The following NLGN3 variants were observed in gnomAD, a reference collection of about 807,000 sequenced individuals.
NLGN3 encodes the protein neuroligin 3.
Under a neutral mutation model 42.9 loss-of-function variants are expected in NLGN3, and 11 were observed. That is an observed-to-expected ratio of 0.26 (90% CI 0.16 to 0.42). The LOEUF (loss-of-function observed/expected upper bound fraction) is 0.42, where lower values mean the gene tolerates loss of function less well. NLGN3 is among the 10% of genes least tolerant of loss of function. The pLI, the probability that NLGN3 is intolerant of heterozygous loss-of-function variation, is 1.00. For synonymous variants in NLGN3, 279 were observed against 312.7 expected (o/e 0.89, Z 1.14); for missense variants, 374 against 733.8 (o/e 0.51, Z 5.67).
At chrX:71,173,176 C>G (rs766230545), downstream of NLGN3, among the ~76,000 whole-genome samples, 1 of 110,900 alleles carries the variant, frequency 9.0e-6, no homozygotes, top group Non-Finnish European at 1.9e-5. Flanking sequence ...CATACCTGGC[C>G]TCCTGTTCTT....
chrX:71,171,167 G>T lies in NLGN3; in HGVS notation c.*1070G>T. ...GTAAAAATTTTAAACACAGTGTCTT[G>T]ATATAAAAATAAAAAATCCAGTTAG... On this transcript the variant is annotated 3_prime_UTR_variant, in exon 8 of 8. Coordinates refer to ENST00000358741, the MANE Select transcript of NLGN3 (RefSeq NM_181303.2). The T allele has an allele frequency of 1.3e-6, 1 of 751,788 alleles. No individual in the cohort carries two copies. Among genetic ancestry groups the T allele is most frequent in the Non-Finnish European group, 1.6e-6 (1 of 638,460 alleles). 62.0% of individuals were successfully genotyped at this position (751,788 alleles called of 1,213,427 possible).
chrX:71,167,160 A>AAG lies in NLGN3; in HGVS notation c.1066_1067dup (p.Ser356ArgfsTer7). 8.3e-7 allele frequency: 1 copy of AAG among 1,211,842 alleles called. No individual in the cohort carries two copies. The highest frequency in any genetic ancestry group is 1.1e-6 in the Non-Finnish European group (1 of 895,523). ...GGATATGGTGGACTGTCTTCGGCAA[A>AAG]AGAGTGCCAAGGAGCTGGTAGAGCA... On this transcript the variant is annotated frameshift_variant, in exon 7 of 8. Coordinates refer to ENST00000358741, the MANE Select transcript of NLGN3 (RefSeq NM_181303.2). LOFTEE classifies it high-confidence loss of function.
At chrX:71,154,664 A>G (rs765709023) in intron 4 of NLGN3, among the ~76,000 whole-genome samples, 2 of 110,149 alleles carry the variant, frequency 1.8e-5, no homozygotes, top group Non-Finnish European at 3.8e-5. Flanking sequence ...TCTGCCATTC[A>G]CTCCCCTTTC....
Position 71,169,780 on chromosome X carries a change from C to T in NLGN3, c.2230C>T (p.Pro744Ser). 8.3e-7 allele frequency: 1 copy of T among 1,211,112 alleles called. No individual in the cohort carries two copies. Among genetic ancestry groups the T allele is most frequent in the Non-Finnish European group, 1.1e-6 (1 of 895,132 alleles). The change falls in exon 8 of 8, where the codon CCT becomes TCT. Residue 744 changes from proline (P) to serine (S), a missense_variant. Physicochemically the swap from Pro to Ser is moderately conservative, Grantham distance 74. Coordinates refer to ENST00000358741, the MANE Select transcript of NLGN3 (RefSeq NM_181303.2). Reference sequence around the variant, plus strand: ...ACGGCGCCAGGAGCCCCTGCGGCAGCCTAGCCCTCAGCGGGGAGCCGGGGC... The same window carrying T: ...ACGGCGCCAGGAGCCCCTGCGGCAGTCTAGCCCTCAGCGGGGAGCCGGGGC... ...DKRRQEPLRQ[P>S]SPQRGAGAPE... is the part of the protein sequence containing the mutation.
At chrX:71,159,019 C>T (rs745577054) in intron 5 of NLGN3, among the ~76,000 whole-genome samples, 11 of 110,963 alleles carry the variant, frequency 9.9e-5, no homozygotes, top group South Asian at 7.5e-4. Flanking sequence ...CATGCATGTG[C>T]GCACACACAC....
chrX:71,159,589 T>C (rs1228642637), intron 5 of NLGN3, among the ~76,000 whole-genome samples: 1 of 111,804 alleles, frequency 8.9e-6, no homozygotes, highest in Admixed American at 9.5e-5. Flanking sequence ...CTGCACACCC[T>C]TCAGTTCCTG....
chrX:71,162,665 CACTT>C (rs1202250292), intron 5 of NLGN3, among the ~76,000 whole-genome samples: 2 of 112,003 alleles, frequency 1.8e-5, no homozygotes, highest in Non-Finnish European at 3.8e-5. Context: ...ATTAATAACA[CACTT>C]GAAGAGGATG....
downstream of NLGN3, among the ~76,000 whole-genome samples, chrX:71,173,658 A>G (rs1175356043): frequency 8.9e-6 from 1 of 112,513 alleles, no homozygotes; most frequent in Non-Finnish European, 1.9e-5. Flanking sequence ...GAAGGGTCAG[A>G]GGTTGGTCAC....
chrX:71,155,479 C>A, intron 5 of NLGN3, 116 bp downstream of exon 5: 1 of 945,970 alleles, frequency 1.1e-6, no homozygotes, highest in Non-Finnish European at 1.5e-6. Flanking sequence ...CTAATAACCA[C>A]AGTCAAAATG....
chrX:71,146,935 G>T (rs1215512345), intron 1 of NLGN3, among the ~76,000 whole-genome samples: 1 of 111,814 alleles, frequency 8.9e-6, no homozygotes, highest in East Asian at 2.8e-4. Flanking sequence ...AAGGATTTGG[G>T]AGCAGTGAGG....
intron 5 of NLGN3, among the ~76,000 whole-genome samples, chrX:71,162,204 G>A (rs186581555): frequency 9.1e-6 from 1 of 110,093 alleles, no homozygotes; most frequent in Non-Finnish European, 1.9e-5. Context: ...GCTCACTGCA[G>A]CCTTCACACC....
chrX:71,148,260 T>A, intron 2 of NLGN3, 54 bp downstream of exon 2: 1 of 992,128 alleles, frequency 1.0e-6, no homozygotes, highest in Non-Finnish European at 1.4e-6. Flanking sequence ...TGCCCTGCTG[T>A]GTTTGTGGCT....
chrX:71,150,768 A>G (rs2092388622), intron 3 of NLGN3, among the ~76,000 whole-genome samples: 2 of 110,989 alleles, frequency 1.8e-5, no homozygotes, highest in Admixed American at 9.6e-5. Flanking sequence ...TGGCATTCAC[A>G]TTAACCATTT....
Position 71,144,871 on chromosome X carries a change from TG to T in NLGN3, c.-293del, listed in dbSNP as rs1476493303. ...CACAGCAGCCAGGCTGCCGGAGAGCTGATCTCGGGGATTCGGGTGCGGAGCC... is the reference window on the plus strand; with the variant it reads ...CACAGCAGCCAGGCTGCCGGAGAGCTATCTCGGGGATTCGGGTGCGGAGCC... On this transcript the variant is annotated 5_prime_UTR_variant, in exon 1 of 8. Transcript: ENST00000358741. 9.0e-6 allele frequency: 1 copy of T among 111,604 alleles called. No homozygotes were observed. Among genetic ancestry groups the T allele is most frequent in the African/African-American group, 3.3e-5 (1 of 30,651 alleles). 9.2% of individuals were successfully genotyped at this position (111,604 alleles called of 1,213,427 possible). A position where few individuals can be genotyped will look rare whatever the true frequency, so the allele number is the denominator to read the frequency against.
At chrX:71,152,250 A>T (rs1241229170) in intron 3 of NLGN3, among the ~76,000 whole-genome samples, 1 of 111,015 alleles carries the variant, frequency 9.0e-6, no homozygotes, top group Non-Finnish European at 1.9e-5. Flanking sequence ...ATGCACTTCT[A>T]GCCTCCTTAG....
chrX:71,145,224 A>G (rs1018476090), intron 1 of NLGN3, among the ~76,000 whole-genome samples: 1 of 106,965 alleles, frequency 9.3e-6, no homozygotes, highest in Non-Finnish European at 1.9e-5. Context: ...ATGCTCATCA[A>G]AATACCCCTA....
intron 7 of NLGN3, among the ~76,000 whole-genome samples, chrX:71,168,821 A>AAAGAAAGAAAGAAAG (rs55840427): frequency 6.1e-4 from 42 of 69,355 alleles, no homozygotes; most frequent in Non-Finnish European, 5.2e-4. Flanking sequence ...AGAGAAAAAA[A>AAAGAAAGAAAGAAAG]AAAGAAAGAA....
intron 5 of NLGN3, among the ~76,000 whole-genome samples, chrX:71,160,058 G>A (rs1184117710): frequency 9.4e-6 from 1 of 106,314 alleles, no homozygotes; most frequent in African/African-American, 3.4e-5. Context: ...GTGTAGTGGG[G>A]CCTTTGTTGT....
At chrX:71,160,848 A>G (rs909388780) in intron 5 of NLGN3, among the ~76,000 whole-genome samples, 2 of 112,396 alleles carry the variant, frequency 1.8e-5, no homozygotes, top group African/African-American at 6.5e-5. Context: ...CAGATTCCCC[A>G]TCTTCTGTTG....
Sources: allele counts gnomAD v4.1 joint callset (sites outside exome capture counted in the v4.1 genomes callset), GRCh38; gene constraint gnomAD v4.1.1; transcripts MANE v1.5; gene names NCBI Gene and HGNC (gene_info 2026-07-23, HGNC 2026-07-21).